Variants in DLGAP2 observed in about 807,000 individuals in gnomAD.
DLGAP2 encodes the protein disks large-associated protein 2.
Under a neutral mutation model 100.3 loss-of-function variants are expected in DLGAP2, and 26 were observed. The ratio of observed to expected loss-of-function variants is 0.26; its 90% CI spans 0.19 to 0.36. The LOEUF (loss-of-function observed/expected upper bound fraction) is 0.36, where lower values mean the gene tolerates loss of function less well. Ranked by LOEUF, DLGAP2 falls within the 10% of genes least tolerant of loss-of-function variation. The pLI is 1.00. For missense variants in DLGAP2, 1,858 were observed against 1,453.2 expected (o/e 1.28, Z -4.53); for synonymous variants, 886 against 630.1 (o/e 1.41, Z -6.08).
chr8:1,054,110 A>G (rs550318644), intron 2 of DLGAP2, among the ~76,000 whole-genome samples: 17 of 152,124 alleles, frequency 1.1e-4, no homozygotes, highest in Middle Eastern at 3.4e-3. Flanking sequence ...TGTGTGCGGC[A>G]CCCGGCGTTT....
At chr8:1,227,674 G>A (rs1798450595) in intron 2 of DLGAP2, among the ~76,000 whole-genome samples, 1 of 151,956 alleles carries the variant, frequency 6.6e-6, no homozygotes, top group Non-Finnish European at 1.5e-5. Context: ...GGCAGACACA[G>A]GAAGAAAAAT....
At chr8:1,533,174 T>G (rs928134295) in intron 4 of DLGAP2, among the ~76,000 whole-genome samples, 1 of 152,024 alleles carries the variant, frequency 6.6e-6, no homozygotes, top group African/African-American at 2.4e-5. Context: ...AAATCCATAT[T>G]GATGTTGCCT....
At chr8:1,323,289 C>G (rs1423234327) in intron 3 of DLGAP2, among the ~76,000 whole-genome samples, 1 of 152,146 alleles carries the variant, frequency 6.6e-6, no homozygotes, top group Non-Finnish European at 1.5e-5. Flanking sequence ...CTCAGCCTCC[C>G]AAAGTGCTAG....
chr8:1,276,204 C>G lies in DLGAP2; in HGVS notation c.106+17321C>G, dbSNP rs374855677. On this transcript the variant is annotated intron_variant, in intron 3 of 14. Transcript: ENST00000637795. ...GGAGTTGCTCTCTCTCAACTCCAAT[C>G]AACACTCCCCCCCCGACCCTAGCTC... Among the ~76,000 whole-genome samples the G allele has an allele frequency of 3.3e-5, 5 of 150,312 alleles. No homozygotes were observed. The East Asian group carries it at 9.7e-4, about 29-fold the overall frequency.
rs1051854398 is a variant in DLGAP2 at position 1,417,601 on chromosome 8, G to C, written c.107-83765G>C. On this transcript the variant is annotated intron_variant, in intron 3 of 14. Transcript: ENST00000637795. ...GAAAATGCGGACAGATAAATAGGAGGCTCAGAAGGACTTCACTGCGTGGCC... is the reference window on the plus strand; with the variant it reads ...GAAAATGCGGACAGATAAATAGGAGCCTCAGAAGGACTTCACTGCGTGGCC... Among the ~76,000 whole-genome samples the C allele has an allele frequency of 3.9e-5, 4 of 102,740 alleles. No homozygotes were observed. In the Admixed American group the frequency reaches 4.0e-4, roughly 10 times the overall value. 67.4% of individuals were successfully genotyped at this position (102,740 alleles called of 152,430 possible).
rs371250165 is a variant in DLGAP2 at position 1,407,796 on chromosome 8, C to T, written c.107-93570C>T. On this transcript the variant is annotated intron_variant, in intron 3 of 14. Transcript: ENST00000637795. ...TACTGAGCGCCACCTCCTCATCCTC[C>T]GGGGTCGTGTATTGAGTGCTTACTG... Among the ~76,000 whole-genome samples, 16 of 147,756 alleles carry T rather than the reference C, an allele frequency of 1.1e-4. No individual in the cohort carries two copies. In the East Asian group the frequency reaches 2.4e-3, roughly 22 times the overall value.
At chr8:1,304,507 C>T (rs1285782768) in intron 3 of DLGAP2, among the ~76,000 whole-genome samples, 4 of 152,206 alleles carry the variant, frequency 2.6e-5, no homozygotes, top group African/African-American at 9.6e-5. Flanking sequence ...AGGAAAACGG[C>T]TTCAGTGATG....
intron 1 of DLGAP2, chr8:883,226 C>T (rs562215643): frequency 6.6e-6 from 1 of 152,334 alleles, no homozygotes; most frequent in South Asian, 2.1e-4. Flanking sequence ...GCCACGGCCT[C>T]CACGTGCAGT....
At chr8:836,793 C>T (rs1389721567) in intron 1 of DLGAP2, among the ~76,000 whole-genome samples, 1 of 152,176 alleles carries the variant, frequency 6.6e-6, no homozygotes, top group East Asian at 1.9e-4. Context: ...TTAAAGATGG[C>T]ATCTAACGGA....
chr8:1,499,490 T>G (rs763080327), intron 3 of DLGAP2, among the ~76,000 whole-genome samples: 7 of 152,218 alleles, frequency 4.6e-5, no homozygotes, highest in Non-Finnish European at 1.0e-4. Flanking sequence ...CTGTAGTTAA[T>G]TAGAGCTGTC....
At chr8:1,511,833 CAATCAGT>C (rs1563193451) in intron 4 of DLGAP2, among the ~76,000 whole-genome samples, 3 of 50,254 alleles carry the variant, frequency 6.0e-5, no homozygotes, top group African/African-American at 1.4e-4. Flanking sequence ...TAGTGTAAGA[CAATCAGT>C]AGGTCACATG....
intron 2 of DLGAP2, among the ~76,000 whole-genome samples, chr8:1,237,118 C>A (rs1370878248): frequency 2.0e-4 from 5 of 25,382 alleles, no homozygotes; most frequent in African/African-American, 5.8e-4. Flanking sequence ...GTGCCTAGTT[C>A]TGTCTCACAT....
chr8:789,311 G>T (rs1283878391), intron 1 of DLGAP2, among the ~76,000 whole-genome samples: 1 of 152,266 alleles, frequency 6.6e-6, no homozygotes, highest in Non-Finnish European at 1.5e-5. Context: ...CATGGCGGAA[G>T]GCGAAGGGGA....
At chr8:1,437,813 C>CAAA (rs59165125) in intron 3 of DLGAP2, among the ~76,000 whole-genome samples, 1,133 of 85,180 alleles carry the variant, frequency 0.013, 27 homozygotes, top group East Asian at 0.027. Flanking sequence ...ACTAAAAATA[C>CAAA]AAAAAAAAAA....
At chr8:1,460,334 C>G (rs1368467521) in intron 3 of DLGAP2, among the ~76,000 whole-genome samples, 2 of 152,200 alleles carry the variant, frequency 1.3e-5, no homozygotes, top group East Asian at 1.9e-4. Context: ...GAAACTAAAC[C>G]ACGGGCTCTG....
chr8:1,473,006 C>G (rs1266070368), intron 3 of DLGAP2, among the ~76,000 whole-genome samples: 5 of 152,178 alleles, frequency 3.3e-5, no homozygotes, highest in Non-Finnish European at 5.9e-5. Context: ...TCTCAGCTCA[C>G]TGCAACCTCC....
chr8:1,605,674 T>C (rs746170037), intron 6 of DLGAP2, among the ~76,000 whole-genome samples: 2 of 152,138 alleles, frequency 1.3e-5, no homozygotes, highest in Non-Finnish European at 2.9e-5. Flanking sequence ...TTCCCTGTTA[T>C]AAGGAAGAAA....
At chr8:1,342,906 G>T (rs1007256924) in intron 3 of DLGAP2, among the ~76,000 whole-genome samples, 2 of 152,068 alleles carry the variant, frequency 1.3e-5, no homozygotes, top group Non-Finnish European at 2.9e-5. Context: ...CGTCTTTGCC[G>T]TGAGACCAGG....
In DLGAP2 at chr8:1,493,856, C is replaced by G. The variant is rs138236745; in HGVS notation, c.107-7510C>G. 8.5e-3 allele frequency among the ~76,000 whole-genome samples: 1,292 copies of G among 152,340 alleles called. 9 individuals carry two copies. Among genetic ancestry groups the G allele is most frequent in the Admixed American group, 0.015 (223 of 15,298 alleles). ...GCTTCTTACCCTGATTCTTCCTAGG[C>G]AGTGCTGACAGCATCTGTTTTATGG... On this transcript the variant is annotated intron_variant, in intron 3 of 14. Transcript: ENST00000637795.
Sources: allele counts gnomAD v4.1 joint callset (sites outside exome capture counted in the v4.1 genomes callset), GRCh38; gene constraint gnomAD v4.1.1; transcripts MANE v1.5; gene names NCBI Gene and HGNC (gene_info 2026-07-23, HGNC 2026-07-21).